The following NSD1 variants were observed in gnomAD, a reference collection of about 807,000 sequenced individuals.
The protein encoded by NSD1 is nuclear receptor binding SET domain protein 1.
Under a neutral mutation model 242.7 loss-of-function variants are expected in NSD1, and 26 were observed. The observed-to-expected ratio is 0.11, with a 90% confidence interval of 0.08 to 0.15. The LOEUF (loss-of-function observed/expected upper bound fraction) is 0.15, where lower values mean the gene tolerates loss of function less well. Among genes scored for constraint, NSD1 ranks in the 10% least tolerant of loss-of-function variants. The pLI, the probability that NSD1 is intolerant of heterozygous loss-of-function variation, is 1.00. For missense variants in NSD1, 2,495 were observed against 3,272.8 expected, an observed-to-expected ratio of 0.76 and a Z score of 5.80; for synonymous variants, 1,106 against 1,178.1, an observed-to-expected ratio of 0.94 and a Z score of 1.25.
intron 2 of NSD1, among the ~76,000 whole-genome samples, chr5:177,190,481 G>A (rs1761574974): frequency 6.6e-6 from 1 of 151,894 alleles, no homozygotes; most frequent in Non-Finnish European, 1.5e-5. Context: ...GCAGAGACAG[G>A]GTTTCGCTGT....
In NSD1 at chr5:177,269,895, T is replaced by A; in HGVS notation, c.5509+88T>A. 1 of 1,173,422 alleles carries A rather than the reference T, an allele frequency of 8.5e-7. No individual in the cohort carries two copies. The highest frequency in any genetic ancestry group is 1.5e-5 in the South Asian group (1 of 66,212). The allele number at this position is 1,173,422 out of a possible 1,614,324, so 72.7% of individuals were successfully genotyped here. A position where few individuals can be genotyped will look rare whatever the true frequency, so the allele number is the denominator to read the frequency against. ...GTTTTAGAATTCACATATGCTCCATTTTGAAACTGCCTTTGTCCTCTCAGG... is the reference window on the plus strand; with the variant it reads ...GTTTTAGAATTCACATATGCTCCATATTGAAACTGCCTTTGTCCTCTCAGG... On this transcript the variant is annotated intron_variant, in intron 16 of 22. Transcript: ENST00000439151. The surrounding 1 kb of genome is among the most constrained non-coding windows in gnomAD (Gnocchi z 5.1).
intron 2 of NSD1, among the ~76,000 whole-genome samples, chr5:177,155,759 T>G (rs1459174588): frequency 1.3e-5 from 2 of 152,182 alleles, no homozygotes; most frequent in East Asian, 3.9e-4. Context: ...CAATCTCGGT[T>G]CACTGCAACC....
chr5:177,297,919 G>A lies in NSD1; in HGVS notation c.*2460G>A. 1 of 233,134 alleles carries A rather than the reference G, an allele frequency of 4.3e-6. No individual in the cohort carries two copies. 14.4% of individuals were successfully genotyped at this position (233,134 alleles called of 1,614,324 possible). On this transcript the variant is annotated 3_prime_UTR_variant, in exon 23 of 23. Transcript: ENST00000439151. ...GGGAAAACAGCTTCTGAGCCATTTTGGGGAGCAGTTCTTCATCTGAATGGA... is the reference window on the plus strand; with the variant it reads ...GGGAAAACAGCTTCTGAGCCATTTTAGGGAGCAGTTCTTCATCTGAATGGA...
intron 2 of NSD1, among the ~76,000 whole-genome samples, chr5:177,173,661 C>T (rs1266192427): frequency 1.3e-5 from 2 of 151,910 alleles, no homozygotes; most frequent in Non-Finnish European, 2.9e-5. Flanking sequence ...TTAGTAGAGA[C>T]GGGATTTCCC....
At chr5:177,204,428 A>T (rs1332665020) in intron 4 of NSD1, 136 bp downstream of exon 4, 6 of 780,176 alleles carry the variant, frequency 7.7e-6, no homozygotes, top group Non-Finnish European at 1.1e-5. Context: ...ATCTTTGTTC[A>T]CTGCAACCTC....
intron 8 of NSD1, among the ~76,000 whole-genome samples, chr5:177,240,695 A>G (rs1472705132): frequency 6.6e-6 from 1 of 152,190 alleles, no homozygotes; most frequent in Non-Finnish European, 1.5e-5. Context: ...CCTGGGTGAC[A>G]GGGCGAGACT....
rs987170173 is a variant in NSD1, at chr5:177,296,564, T to A, written c.*1105T>A. 4 of 232,486 alleles carry A rather than the reference T, an allele frequency of 1.7e-5. No homozygotes were observed. The highest frequency in any genetic ancestry group is 8.9e-5 in the African/African-American group (4 of 45,056). The allele number at this position is 232,486 out of a possible 1,614,324, so 14.4% of individuals were successfully genotyped here. On this transcript the variant is annotated 3_prime_UTR_variant, in exon 23 of 23. Coordinates refer to ENST00000439151, the MANE Select transcript of NSD1 (RefSeq NM_022455.5). Reference sequence around the variant, plus strand: ...CCTTTTCCCTCCTGAGTGGAGGGAGTCCTCTTCTTCGCCTCCCTGAGAATT... The same window carrying A: ...CCTTTTCCCTCCTGAGTGGAGGGAGACCTCTTCTTCGCCTCCCTGAGAATT...
At position 177,208,493 on chromosome 5, in the gene NSD1, C is replaced by CT. The variant is rs955310925; in HGVS notation, c.1237-1133dup. Reference sequence around the variant, plus strand: ...TCATCTTTAACCTTTTTTTCTTTTTCTTTTTTTTTTCTTGGTTTTTCTTTT... The same window carrying CT: ...TCATCTTTAACCTTTTTTTCTTTTTCTTTTTTTTTTTCTTGGTTTTTCTTTT... On this transcript the variant is annotated intron_variant, in intron 4 of 22. Transcript: ENST00000439151. 6.8e-4 allele frequency among the ~76,000 whole-genome samples: 99 copies of CT among 145,662 alleles called. 1 individual carries two copies. Among genetic ancestry groups the CT allele is most frequent in the Non-Finnish European group, 1.2e-3 (78 of 65,776 alleles).
intron 5 of NSD1, among the ~76,000 whole-genome samples, chr5:177,221,778 C>G (rs1173404578): frequency 6.6e-6 from 1 of 151,424 alleles, no homozygotes; most frequent in Non-Finnish European, 1.5e-5. Context: ...CTGTAAAACT[C>G]ATATTTCCCC....
At chr5:177,136,242 C>G (rs960096012) in intron 2 of NSD1, 2 of 522,072 alleles carry the variant, frequency 3.8e-6, no homozygotes, top group Middle Eastern at 5.4e-4. Context: ...TTCCAAATAA[C>G]TCTTCATTGA....
intron 14 of NSD1, chr5:177,266,181 G>A (rs1025743702): frequency 4.2e-5 from 44 of 1,052,052 alleles, no homozygotes; most frequent in Non-Finnish European, 5.8e-5. Flanking sequence ...GCATGGACTC[G>A]TAGAAGAGGC....
chr5:177,209,878 T>C lies in NSD1; in HGVS notation c.1479T>C (p.Pro493=). 1 of 1,614,194 alleles carries C rather than the reference T, an allele frequency of 6.2e-7. No homozygotes were observed. Among genetic ancestry groups the C allele is most frequent in the Non-Finnish European group, 8.5e-7 (1 of 1,180,032 alleles). The change falls in exon 5 of 23, where the codon CCT becomes CCC. Residue 493 remains proline, a synonymous_variant. Coordinates refer to ENST00000439151, the MANE Select transcript of NSD1 (RefSeq NM_022455.5). The part of the protein sequence containing the change: ...SEHSADEKEK[P]CAKSRARKSS... The stretch of plus-strand genomic sequence containing the variant: ...ATTCTGCAGATGAGAAGGAAAAGCC[T>C]TGCGCTAAATCTCGAGCCAGAAAGA...
intron 2 of NSD1, chr5:177,137,360 TG>T (rs1398855248): frequency 6.5e-6 from 1 of 154,052 alleles, no homozygotes; most frequent in Non-Finnish European, 1.4e-5. Context: ...AAAACTTTTA[TG>T]GTATGTTGTT....
At chr5:177,138,644 CA>C (rs1395978931) in intron 2 of NSD1, among the ~76,000 whole-genome samples, 1 of 150,266 alleles carries the variant, frequency 6.7e-6, no homozygotes, top group African/African-American at 2.4e-5. Flanking sequence ...AAACTGAAGA[CA>C]TTTTTTTTTT....
chr5:177,209,145 CAT>C (rs2149841688), intron 4 of NSD1, among the ~76,000 whole-genome samples: 1 of 152,110 alleles, frequency 6.6e-6, no homozygotes, highest in East Asian at 1.9e-4. Context: ...GAGGAAGCTC[CAT>C]TAGGGTGATT....
In NSD1 at chr5:177,297,489, T is replaced by A. The variant is rs1341432812; in HGVS notation, c.*2030T>A. 6 of 230,596 alleles carry A rather than the reference T, an allele frequency of 2.6e-5. No individual in the cohort carries two copies. Among genetic ancestry groups the A allele is most frequent in the Non-Finnish European group, 4.3e-5 (5 of 116,556 alleles). 14.3% of individuals were successfully genotyped at this position (230,596 alleles called of 1,614,324 possible). On this transcript the variant is annotated 3_prime_UTR_variant, in exon 23 of 23. Coordinates refer to ENST00000439151, the MANE Select transcript of NSD1 (RefSeq NM_022455.5). ...TAGTAGGTCCCTTTCCCTAATCTTTTAGGTCATATGAGTAGGGTTTGCTTG... is the reference window on the plus strand; with the variant it reads ...TAGTAGGTCCCTTTCCCTAATCTTTAAGGTCATATGAGTAGGGTTTGCTTG...
rs758125212 is a variant in NSD1, at chr5:177,211,710, A to T, written c.3311A>T (p.His1104Leu). ...MGHLTSEDGD[H>L]FSDVHFDSKV... is the part of the protein sequence containing the mutation. ...CACTTAACAAGTGAAGATGGTGACCATTTTTCTGATGTGCATTTCGATAGC... is the reference window on the plus strand; with the variant it reads ...CACTTAACAAGTGAAGATGGTGACCTTTTTTCTGATGTGCATTTCGATAGC... Residue 1104 changes from histidine (H) to leucine (L), a missense_variant, in exon 5 of 23, where the codon CAT becomes CTT. This residue lies in a region of NSD1 where 426 missense variants were observed against 411.4 expected (regional missense o/e 1.04). Transcript: ENST00000439151. The T allele has an allele frequency of 1.9e-6, 3 of 1,613,852 alleles. No homozygotes were observed. The highest frequency in any genetic ancestry group is 2.5e-6 in the Non-Finnish European group (3 of 1,180,012).
intron 2 of NSD1, among the ~76,000 whole-genome samples, chr5:177,151,953 C>T (rs867588474): frequency 6.6e-5 from 10 of 152,030 alleles, no homozygotes; most frequent in African/African-American, 2.2e-4. Context: ...CTCCGCCTCC[C>T]GGGTTCACGC....
rs1182246710 is a variant in NSD1 at position 177,190,981 on chromosome 5, CT to C, written c.928-891del. 4.5e-3 allele frequency among the ~76,000 whole-genome samples: 319 copies of C among 71,160 alleles called. 1 individual carries two copies. Among genetic ancestry groups the C allele is most frequent in the African/African-American group, 0.012 (258 of 21,740 alleles). The allele number at this position is 71,160 out of a possible 152,430, so 46.7% of individuals were successfully genotyped here. The stretch of plus-strand genomic sequence containing the variant: ...TGCACCCAGCCTTTTTTTTTTTTTT[CT>C]TTTTTTTTTTTGAAGAGTCTCTCTG... On this transcript the variant is annotated intron_variant, in intron 2 of 22. Coordinates refer to ENST00000439151, the MANE Select transcript of NSD1 (RefSeq NM_022455.5).
Sources: gnomAD v4.1 joint callset for allele counts (sites outside exome capture counted in the v4.1 genomes callset) on GRCh38, gnomAD v4.1.1 for gene constraint, gnomAD v4.1.1 regional missense constraint, Gnocchi (gnomAD v3.1) non-coding constraint, MANE v1.5 for transcripts, NCBI Gene and HGNC (gene_info 2026-07-23, HGNC 2026-07-21) for gene names.